Variants in CDK17 observed in about 807,000 individuals in gnomAD.
CDK17 encodes the protein cyclin dependent kinase 17, also known as cyclin-dependent kinase 17.
CDK17 carries 24 observed loss-of-function variants against 77.6 expected under a neutral mutation model. The observed-to-expected ratio is 0.31, with a 90% CI of 0.22 to 0.44. The LOEUF is 0.44. Among genes scored for constraint, CDK17 ranks in the 20% least tolerant of loss-of-function variants. CDK17 has a pLI of 1.00. For missense variants in CDK17, 429 were observed against 622.5 expected, an observed-to-expected ratio of 0.69 and a Z score of 3.31; for synonymous variants, 203 against 210.4, an observed-to-expected ratio of 0.96 and a Z score of 0.30.
At chr12:96,290,393 A>G (rs1952308820) in intron 10 of CDK17, among the ~76,000 whole-genome samples, 4 of 152,258 alleles carry the variant, frequency 2.6e-5, no homozygotes, top group Admixed American at 2.6e-4. Flanking sequence ...TTGCTGTTAT[A>G]TATAACTTGG....
chr12:96,340,622 C>T (rs1007651013), intron 1 of CDK17, among the ~76,000 whole-genome samples: 16 of 152,024 alleles, frequency 1.1e-4, no homozygotes, highest in African/African-American at 1.7e-4. Context: ...CAACTTTTTT[C>T]GTTAGCTGAG....
At chr12:96,374,148 A>C (rs1453929600) in intron 1 of CDK17, among the ~76,000 whole-genome samples, 1 of 152,224 alleles carries the variant, frequency 6.6e-6, no homozygotes, top group Non-Finnish European at 1.5e-5. Flanking sequence ...AACAGCCAAA[A>C]TGAGAAATTA....
intron 1 of CDK17, among the ~76,000 whole-genome samples, chr12:96,370,026 T>G (rs1953665919): frequency 6.6e-6 from 1 of 151,976 alleles, no homozygotes; most frequent in African/African-American, 2.4e-5. Context: ...AAGCCGCGAG[T>G]GTAAGAGCTG....
intron 10 of CDK17, 26 bp from the exon 11 acceptor site, chr12:96,289,313 G>T: frequency 6.2e-7 from 1 of 1,613,052 alleles, no homozygotes; most frequent in South Asian, 1.1e-5. Flanking sequence ...AAAACAAAGG[G>T]TTAAGAAAAA....
At chr12:96,345,281 A>G (rs1396412479) in intron 1 of CDK17, among the ~76,000 whole-genome samples, 1 of 152,220 alleles carries the variant, frequency 6.6e-6, no homozygotes, top group East Asian at 1.9e-4. Flanking sequence ...TAGTGCTGCA[A>G]TGAACATACA....
At chr12:96,325,752 C>A (rs988492807) in intron 2 of CDK17, among the ~76,000 whole-genome samples, 4 of 152,166 alleles carry the variant, frequency 2.6e-5, no homozygotes, top group African/African-American at 9.7e-5. Flanking sequence ...ATTTGGGGAT[C>A]TTAAGTGAAG....
intron 4 of CDK17, among the ~76,000 whole-genome samples, chr12:96,312,960 T>G (rs553808574): frequency 6.6e-5 from 10 of 152,196 alleles, no homozygotes; most frequent in Non-Finnish European, 1.3e-4. Flanking sequence ...CTCAAAAATA[T>G]CATTAAAATC....
chr12:96,346,451 CAAAA>C (rs1018373504), intron 1 of CDK17, among the ~76,000 whole-genome samples: 10 of 56,420 alleles, frequency 1.8e-4, no homozygotes, highest in Middle Eastern at 6.6e-3. Flanking sequence ...GACTCTATCT[CAAAA>C]AATAAATAAA....
intron 3 of CDK17, among the ~76,000 whole-genome samples, chr12:96,315,268 C>A (rs1018032527): frequency 6.6e-6 from 1 of 152,150 alleles, no homozygotes; most frequent in Admixed American, 6.5e-5. Flanking sequence ...GGTCTTATAT[C>A]AACTCTATCT....
chr12:96,357,528 C>A (rs1442981579), intron 1 of CDK17, among the ~76,000 whole-genome samples: 2 of 152,254 alleles, frequency 1.3e-5, no homozygotes, highest in Middle Eastern at 3.4e-3. Flanking sequence ...TGAACACTCT[C>A]GGTCGTGAGT....
At chr12:96,309,988 C>T (rs1952625656) in intron 5 of CDK17, among the ~76,000 whole-genome samples, 1 of 152,044 alleles carries the variant, frequency 6.6e-6, no homozygotes. Context: ...AAGCACTCAA[C>T]AGAAATGCTT....
intron 1 of CDK17, among the ~76,000 whole-genome samples, chr12:96,380,870 G>C (rs77515025): frequency 0.049 from 7,408 of 152,208 alleles, 244 homozygotes; most frequent in Non-Finnish European, 0.061. Flanking sequence ...GGCTGGTAGA[G>C]AATAACATTT....
At position 96,312,136 on chromosome 12, in the gene CDK17, G is replaced by A. The variant is rs1231073788; in HGVS notation, c.418-959C>T. On this transcript the variant is annotated intron_variant, in intron 4 of 16. Transcript: ENST00000261211. ...TACAAAAAATACAAAAAAATTAGCC[G>A]GGCATGGTGGTGTGTGCCTGTAGTC... Among the ~76,000 whole-genome samples, 4 of 151,942 alleles carry A rather than the reference G, an allele frequency of 2.6e-5. 1 individual carries two copies. The highest frequency in any genetic ancestry group is 2.0e-4 in the Admixed American group (3 of 15,264).
chr12:96,388,135 G>C (rs1954007028), intron 1 of CDK17, among the ~76,000 whole-genome samples: 1 of 151,748 alleles, frequency 6.6e-6, no homozygotes, highest in African/African-American at 2.4e-5. Context: ...AAAAACTCTA[G>C]AGTCACATAC....
intron 7 of CDK17, among the ~76,000 whole-genome samples, chr12:96,298,221 A>G (rs1342996518): frequency 4.6e-5 from 7 of 151,654 alleles, no homozygotes; most frequent in Non-Finnish European, 1.0e-4. Context: ...CAGGAGGCGG[A>G]GCTTGCAGTG....
intron 3 of CDK17, among the ~76,000 whole-genome samples, chr12:96,323,507 G>C (rs1952852823): frequency 6.6e-6 from 1 of 151,870 alleles, no homozygotes; most frequent in African/African-American, 2.4e-5. Context: ...CATCAAAAAA[G>C]GCCAGAGGAA....
At chr12:96,294,890 A>C (rs1054143648) in intron 10 of CDK17, 109 bp downstream of exon 10, 75 of 957,994 alleles carry the variant, frequency 7.8e-5, no homozygotes, top group Non-Finnish European at 9.7e-5. Context: ...CTACCGAGAA[A>C]ATTTCCAAAC....
chr12:96,371,796 T>A (rs1953698129), intron 1 of CDK17, among the ~76,000 whole-genome samples: 1 of 152,090 alleles, frequency 6.6e-6, no homozygotes, highest in Admixed American at 6.5e-5. Flanking sequence ...AATTATTACA[T>A]GACATATTTT....
At position 96,397,657 on chromosome 12, in the gene CDK17, A is replaced by G. The variant is rs138073934; in HGVS notation, c.-30+2329T>C. 5.6e-4 allele frequency among the ~76,000 whole-genome samples: 86 copies of G among 152,340 alleles called. 2 individuals are homozygous for G. In the East Asian group the frequency reaches 0.016, roughly 28 times the overall value. ...AGGAAAAAAATGTTTAATCACCAAT[A>G]AATCCCACCATTCGTAAACCTTGCT... On this transcript the variant is annotated intron_variant, in intron 1 of 16. Transcript: ENST00000261211.
Sources: allele counts gnomAD v4.1 joint callset (sites outside exome capture counted in the v4.1 genomes callset), GRCh38; gene constraint gnomAD v4.1.1; transcripts MANE v1.5; gene names NCBI Gene and HGNC (gene_info 2026-07-23, HGNC 2026-07-21).